The following COG5 variants were observed in gnomAD, a reference collection of about 807,000 sequenced individuals.
The protein encoded by COG5 is conserved oligomeric Golgi complex subunit 5.
A neutral mutation model predicts 110.4 loss-of-function variants in COG5; 86 were observed. The ratio of observed to expected loss-of-function variants is 0.78; its 90% CI spans 0.65 to 0.93. The LOEUF is 0.93. Ranked by LOEUF, COG5 falls within the 40% of genes least tolerant of loss-of-function variation. The pLI is 0.00. For missense variants in COG5, 1,077 were observed against 987.0 expected (o/e 1.09, Z -1.22); for synonymous variants, 360 against 334.6 (o/e 1.08, Z -0.83).
rs1030240399 is a variant in COG5, at chr7:107,206,121, C to T, written c.2376-2491G>A. ...GACTACAGGCGCCCGCCATTGCACCCGGCTAATTTTTTTGTATTTTTAGTA... is the reference window on the plus strand; with the variant it reads ...GACTACAGGCGCCCGCCATTGCACCTGGCTAATTTTTTTGTATTTTTAGTA... On this transcript the variant is annotated intron_variant, in intron 21 of 21. Transcript: ENST00000297135. Among the ~76,000 whole-genome samples, 18 of 152,156 alleles carry T rather than the reference C, an allele frequency of 1.2e-4. No homozygotes were observed. In the Middle Eastern group the frequency reaches 0.01, roughly 86 times the overall value.
chr7:107,351,429 C>T (rs183107484), intron 10 of COG5, among the ~76,000 whole-genome samples: 122 of 152,268 alleles, frequency 8.0e-4, no homozygotes, highest in African/African-American at 2.9e-3. Flanking sequence ...ACACCAAAAG[C>T]GATGGCAACA....
At chr7:107,363,711 C>T (rs1355658617) in intron 8 of COG5, among the ~76,000 whole-genome samples, 3 of 152,174 alleles carry the variant, frequency 2.0e-5, no homozygotes, top group South Asian at 2.1e-4. Context: ...AATCCCAGAA[C>T]TTTGAGAGGC....
chr7:107,533,828 A>C lies in COG5; in HGVS notation c.418-6471T>G, dbSNP rs867626402. ...GAAATACAGAGAAGACCACTAAGAT[A>C]CTCCTCAAGAAGAACAACCCCAAGA... On this transcript the variant is annotated intron_variant, in intron 5 of 21. Coordinates refer to ENST00000297135, the MANE Select transcript of COG5 (RefSeq NM_006348.5). Among the ~76,000 whole-genome samples, 4 of 151,412 alleles carry C rather than the reference A, an allele frequency of 2.6e-5. 1 individual carries two copies. The highest frequency in any genetic ancestry group is 9.8e-5 in the African/African-American group (4 of 40,744).
chr7:107,508,921 A>G (rs1799262630), intron 6 of COG5, among the ~76,000 whole-genome samples: 2 of 152,314 alleles, frequency 1.3e-5, no homozygotes, highest in Middle Eastern at 3.4e-3. Flanking sequence ...AAAGACCAAA[A>G]GTAGATAAAG....
chr7:107,561,970 C>A (rs1406009839), intron 1 of COG5, among the ~76,000 whole-genome samples: 1 of 150,654 alleles, frequency 6.6e-6, no homozygotes, highest in South Asian at 2.1e-4. Context: ...CGCGAGACTC[C>A]GTCTCAAAAA....
intron 19 of COG5, among the ~76,000 whole-genome samples, chr7:107,212,683 T>C (rs1454004325): frequency 2.0e-5 from 3 of 152,190 alleles, no homozygotes; most frequent in South Asian, 2.1e-4. Flanking sequence ...CCCGGCTTCA[T>C]TGCCCACCCA....
intron 19 of COG5, 138 bp from the exon 20 acceptor site, chr7:107,211,363 A>G (rs1196571944): frequency 3.1e-6 from 3 of 956,876 alleles, no homozygotes; most frequent in Non-Finnish European, 4.8e-6. Flanking sequence ...TAACCACTCT[A>G]TTCAGCCTTG....
intron 8 of COG5, 26 bp from the exon 9 acceptor site, chr7:107,362,446 G>T: frequency 6.6e-7 from 1 of 1,507,342 alleles, no homozygotes; most frequent in African/African-American, 1.4e-5. Context: ...AAAGAACAAT[G>T]AAAAATAAAG....
In COG5 at chr7:107,449,041, G is replaced by C. The variant is rs558425360; in HGVS notation, c.539-36409C>G. Among the ~76,000 whole-genome samples the C allele has an allele frequency of 4.6e-5, 7 of 152,164 alleles. No individual in the cohort carries two copies. In the East Asian group the frequency reaches 1.4e-3, roughly 29 times the overall value. On this transcript the variant is annotated intron_variant, in intron 6 of 21. Coordinates refer to ENST00000297135, the MANE Select transcript of COG5 (RefSeq NM_006348.5). The stretch of plus-strand genomic sequence containing the variant: ...AAATGTAAACAAACATAAAGATGTG[G>C]TATTAAATCATCACTGCACAAAATT...
At chr7:107,258,465 C>T (rs764310122) in intron 14 of COG5, 82 bp from the exon 15 acceptor site, 16 of 465,386 alleles carry the variant, frequency 3.4e-5, no homozygotes, top group Non-Finnish European at 4.5e-5. Flanking sequence ...CACACACATA[C>T]ACACACACAC....
At chr7:107,504,994 A>G (rs531251787) in intron 6 of COG5, among the ~76,000 whole-genome samples, 4 of 152,076 alleles carry the variant, frequency 2.6e-5, no homozygotes, top group African/African-American at 4.8e-5. Context: ...TTCCTTGGTT[A>G]TTAAGAGTCT....
intron 12 of COG5, among the ~76,000 whole-genome samples, chr7:107,293,051 C>T (rs559544604): frequency 5.3e-5 from 8 of 152,222 alleles, no homozygotes; most frequent in East Asian, 1.9e-4. Context: ...AAATAGCAGC[C>T]CAACCCTCAG....
At chr7:107,414,606 G>A (rs950614001) in intron 6 of COG5, among the ~76,000 whole-genome samples, 10 of 147,560 alleles carry the variant, frequency 6.8e-5, no homozygotes, top group Non-Finnish European at 3.0e-5. Flanking sequence ...TATTATAGTT[G>A]CCCTTCCATT....
At chr7:107,536,744 C>T (rs566676501) in intron 5 of COG5, among the ~76,000 whole-genome samples, 6 of 152,252 alleles carry the variant, frequency 3.9e-5, no homozygotes, top group African/African-American at 1.2e-4. Flanking sequence ...ACATTCTTCA[C>T]AGAATTAGAA....
chr7:107,231,637 T>C (rs1800781954), intron 18 of COG5, among the ~76,000 whole-genome samples: 1 of 152,222 alleles, frequency 6.6e-6, no homozygotes, highest in Non-Finnish European at 1.5e-5. Flanking sequence ...GAAGCACATA[T>C]GATTTAAGGC....
intron 7 of COG5, among the ~76,000 whole-genome samples, chr7:107,380,008 T>C (rs1271730396): frequency 2.0e-5 from 3 of 152,304 alleles, no homozygotes; most frequent in Admixed American, 6.5e-5. Context: ...TATTCTAAAA[T>C]TGACCACATA....
chr7:107,227,427 A>G (rs1800426936), intron 19 of COG5, among the ~76,000 whole-genome samples: 1 of 152,222 alleles, frequency 6.6e-6, no homozygotes, highest in Non-Finnish European at 1.5e-5. Flanking sequence ...AAGTAGAACT[A>G]TTAAAATTAT....
At chr7:107,407,042 G>A (rs1253967621) in intron 7 of COG5, among the ~76,000 whole-genome samples, 1 of 152,102 alleles carries the variant, frequency 6.6e-6, no homozygotes, top group Non-Finnish European at 1.5e-5. Context: ...ATTTCTTTGA[G>A]AAGTAATTAT....
intron 10 of COG5, among the ~76,000 whole-genome samples, chr7:107,360,970 GATCCTGTGACGCTGGGTCCTATCC>G (rs1251083382): frequency 6.6e-6 from 1 of 152,206 alleles, no homozygotes; most frequent in Non-Finnish European, 1.5e-5. Context: ...ACACCCTAAG[GATCCTGTGACGCTGGGTCCTATCC>G]ATCCTCCTAA....
Sources: gnomAD v4.1 joint callset for allele counts (sites outside exome capture counted in the v4.1 genomes callset) on GRCh38, gnomAD v4.1.1 for gene constraint, MANE v1.5 for transcripts, NCBI Gene and HGNC (gene_info 2026-07-23, HGNC 2026-07-21) for gene names.